The following SFMBT2 variants were observed in gnomAD, a reference collection of about 807,000 sequenced individuals.
SFMBT2 encodes Scm like with four mbt domains 2.
A neutral mutation model predicts 110.1 loss-of-function variants in SFMBT2; 38 were observed. That is an observed-to-expected ratio of 0.35 (90% CI 0.27 to 0.45). SFMBT2 has a LOEUF of 0.45. Ranked by LOEUF, SFMBT2 falls within the 20% of genes least tolerant of loss-of-function variation. The pLI is 1.00. For synonymous variants in SFMBT2, 425 were observed against 425.4 expected, an observed-to-expected ratio of 1.00 and a Z score of 0.01; for missense variants, 1,011 against 1,094.9, an observed-to-expected ratio of 0.92 and a Z score of 1.08.
chr10:7,304,262 C>A (rs1842633430), intron 4 of SFMBT2, among the ~76,000 whole-genome samples: 1 of 152,148 alleles, frequency 6.6e-6, no homozygotes, highest in South Asian at 2.1e-4. Context: ...CTCACCAGAT[C>A]TGATGGTTTC....
At chr10:7,411,065 C>CTT (rs766788794), upstream of SFMBT2, among the ~76,000 whole-genome samples, 2,041 of 53,858 alleles carry the variant, frequency 0.038, 317 homozygotes, top group East Asian at 0.098. Flanking sequence ...GCTCGGCGCT[C>CTT]TTTTTTTTTT....
rs1844956693 is a variant in SFMBT2 at position 7,367,929 on chromosome 10, A to G, written c.196-40T>C. The G allele has an allele frequency of 6.2e-7, 1 of 1,600,686 alleles. No homozygotes were observed. The highest frequency in any genetic ancestry group is 1.3e-5 in the African/African-American group (1 of 74,570). On this transcript the variant is annotated intron_variant, in intron 3 of 20. Transcript: ENST00000397167. The surrounding 1 kb of genome is among the most constrained non-coding windows in gnomAD (Gnocchi z 6.2). ...AATAGAGAAAACCCATTACTACACT[A>G]GACACAATACATCCAGAAGATGACA...
intron 4 of SFMBT2, among the ~76,000 whole-genome samples, chr10:7,321,674 T>C (rs555905299): frequency 6.6e-6 from 1 of 152,330 alleles, no homozygotes; most frequent in South Asian, 2.1e-4. Context: ...CTTAGTATAG[T>C]CAAAATGTCC....
At chr10:7,252,867 A>T (rs533881113) in intron 7 of SFMBT2, among the ~76,000 whole-genome samples, 13 of 152,260 alleles carry the variant, frequency 8.5e-5, no homozygotes, top group African/African-American at 3.1e-4. Flanking sequence ...TGGGACCCTA[A>T]ACAGCTTCAG....
At chr10:7,230,589 T>C (rs1029723911) in intron 9 of SFMBT2, among the ~76,000 whole-genome samples, 6 of 152,190 alleles carry the variant, frequency 3.9e-5, no homozygotes, top group South Asian at 2.1e-4. Flanking sequence ...CAGGAAAAAG[T>C]AGATTAAATC....
At position 7,283,992 on chromosome 10, in the gene SFMBT2, G is replaced by C; in HGVS notation, c.684C>G (p.Ser228=). The change falls in exon 6 of 21, where the codon TCC becomes TCG. Residue 228 remains serine (S), a synonymous_variant. Coordinates refer to ENST00000397167, the MANE Select transcript of SFMBT2 (RefSeq NM_001387889.1). ...CCAAGTAAAACAACCACTGGTCATA[G>C]GATTCAGTGTCCTCCAATCCCACAT... is the stretch of plus-strand genomic sequence containing the variant. The part of the protein sequence containing the change: ...LRYVGLEDTE[S]YDQWLFYLDY... The C allele has an allele frequency of 6.2e-7, 1 of 1,611,518 alleles. No individual in the cohort carries two copies. The highest frequency in any genetic ancestry group is 8.5e-7 in the Non-Finnish European group (1 of 1,177,620).
In SFMBT2 at chr10:7,347,509, A is replaced by G. The variant is rs571841893; in HGVS notation, c.436+20140T>C. 1.5e-3 allele frequency among the ~76,000 whole-genome samples: 232 copies of G among 152,320 alleles called. 1 individual carries two copies. The highest frequency in any genetic ancestry group is 1.7e-3 in the Non-Finnish European group (113 of 68,028). On this transcript the variant is annotated intron_variant, in intron 4 of 20. Coordinates refer to ENST00000397167, the MANE Select transcript of SFMBT2 (RefSeq NM_001387889.1). The stretch of plus-strand genomic sequence containing the variant: ...AAAGTAGAGAATCCATGAAGAAAGG[A>G]TAAAAGGGACCATGAAATTTAGAAG...
intron 4 of SFMBT2, among the ~76,000 whole-genome samples, chr10:7,324,634 A>G (rs772170351): frequency 4.6e-5 from 7 of 152,330 alleles, no homozygotes; most frequent in Non-Finnish European, 1.0e-4. Flanking sequence ...AGAAACTTGT[A>G]TTAGTTTGCT....
rs533600957 is a variant in SFMBT2, at chr10:7,301,438, C to T, written c.437-15484G>A. Among the ~76,000 whole-genome samples the T allele has an allele frequency of 1.3e-5, 2 of 152,300 alleles. No homozygotes were observed. The highest frequency in any genetic ancestry group is 1.3e-4 in the Admixed American group (2 of 15,304). ...AACTCATGAGACAGCGGAGGAAACC[C>T]GGGAGGGACTAGAACAAAGTCCAGG... On this transcript the variant is annotated intron_variant, in intron 4 of 20. Transcript: ENST00000397167. This position sits in a 1 kb window ranked among gnomAD's most constrained non-coding sequence, Gnocchi z 4.2.
intron 1 of SFMBT2, among the ~76,000 whole-genome samples, chr10:7,390,840 C>A (rs529970866): frequency 6.6e-6 from 1 of 152,198 alleles, no homozygotes; most frequent in Non-Finnish European, 1.5e-5. Flanking sequence ...TGGCTCATGC[C>A]GGTAATCCCA....
chr10:7,218,144 T>G (rs1409804661), intron 11 of SFMBT2, among the ~76,000 whole-genome samples: 1 of 152,230 alleles, frequency 6.6e-6, no homozygotes, highest in East Asian at 1.9e-4. Context: ...TACAAAGTAC[T>G]TTATAAATTT....
At chr10:7,213,618 T>C (rs1588345310) in intron 11 of SFMBT2, among the ~76,000 whole-genome samples, 1 of 152,212 alleles carries the variant, frequency 6.6e-6, no homozygotes, top group Non-Finnish European at 1.5e-5. Flanking sequence ...TGGTGAGTTC[T>C]GTTCTGGAAA....
chr10:7,176,579 G>A (rs1838063065), intron 16 of SFMBT2: 1 of 845,768 alleles, frequency 1.2e-6, no homozygotes, highest in Non-Finnish European at 1.4e-6. Flanking sequence ...TCAGGATTCT[G>A]CCTTGAAAAC....
intron 13 of SFMBT2, 69 bp from the exon 14 acceptor site, chr10:7,200,553 T>A (rs1343165413): frequency 8.5e-6 from 11 of 1,296,050 alleles, no homozygotes; most frequent in Non-Finnish European, 1.2e-5. Context: ...TTCCAAAGTC[T>A]TACCATAATT....
intron 7 of SFMBT2, among the ~76,000 whole-genome samples, chr10:7,263,406 A>T (rs1841278633): frequency 6.6e-6 from 1 of 151,956 alleles, no homozygotes; most frequent in African/African-American, 2.4e-5. Flanking sequence ...AATGCCCAGG[A>T]AATTTTTGTA....
chr10:7,366,986 T>G (rs1292491647), intron 4 of SFMBT2, among the ~76,000 whole-genome samples: 1 of 152,084 alleles, frequency 6.6e-6, no homozygotes, highest in African/African-American at 2.4e-5. Flanking sequence ...TTGTAGCAAC[T>G]AAATTGATCA....
intron 4 of SFMBT2, among the ~76,000 whole-genome samples, chr10:7,321,410 C>T (rs934609294): frequency 1.3e-5 from 2 of 152,096 alleles, no homozygotes; most frequent in African/African-American, 2.4e-5. Context: ...ACTGTGTTAG[C>T]CAGGATGGTC....
intron 11 of SFMBT2, among the ~76,000 whole-genome samples, chr10:7,212,662 ACT>A (rs1168295851): frequency 6.6e-6 from 1 of 152,110 alleles, no homozygotes; most frequent in African/African-American, 2.4e-5. Context: ...CCTATAAGAG[ACT>A]CTATCACTAG....
Position 7,172,352 on chromosome 10 carries a change from T to C in SFMBT2, c.2151+143A>G. The C allele has an allele frequency of 6.7e-7, 1 of 1,489,176 alleles. No homozygotes were observed. Among genetic ancestry groups the C allele is most frequent in the Non-Finnish European group, 8.9e-7 (1 of 1,122,184 alleles). 92.2% of individuals were successfully genotyped at this position (1,489,176 alleles called of 1,614,324 possible). On this transcript the variant is annotated intron_variant, in intron 18 of 20. Coordinates refer to ENST00000397167, the MANE Select transcript of SFMBT2 (RefSeq NM_001387889.1). This position sits in a 1 kb window ranked among gnomAD's most constrained non-coding sequence, Gnocchi z 4.6. Reference sequence around the variant, plus strand: ...ACACACTACATTTGTTTTCAGCAAGTAAGGAGGAGGGGGCTCTTCTTCAGT... The same window carrying C: ...ACACACTACATTTGTTTTCAGCAAGCAAGGAGGAGGGGGCTCTTCTTCAGT...
Sources: gnomAD v4.1 joint callset for allele counts (sites outside exome capture counted in the v4.1 genomes callset) on GRCh38, gnomAD v4.1.1 for gene constraint, Gnocchi (gnomAD v3.1) non-coding constraint, MANE v1.5 for transcripts, NCBI Gene and HGNC (gene_info 2026-07-23, HGNC 2026-07-21) for gene names.